The following KYAT1 variants were observed in gnomAD, a reference collection of about 807,000 sequenced individuals.
KYAT1 encodes the protein kynurenine aminotransferase 1.
In KYAT1, 47 loss-of-function variants were observed where a neutral mutation model predicts 52.4. The observed-to-expected ratio is 0.90, with a 90% CI of 0.71 to 1.14. KYAT1 has a LOEUF of 1.14. Ranked by LOEUF, KYAT1 falls within the 50% of genes most tolerant of loss-of-function variation. KYAT1 has a pLI of 0.00. For synonymous variants in KYAT1, 212 were observed against 209.6 expected, an observed-to-expected ratio of 1.01 and a Z score of -0.10; for missense variants, 480 against 557.9, an observed-to-expected ratio of 0.86 and a Z score of 1.41.
chr9:128,858,623 G>T (rs1266998647), intron 1 of KYAT1, among the ~76,000 whole-genome samples: 3 of 149,956 alleles, frequency 2.0e-5, no homozygotes, highest in Non-Finnish European at 4.4e-5. Context: ...ACTTGAATCC[G>T]AGAGTCGGAG....
intron 1 of KYAT1, among the ~76,000 whole-genome samples, chr9:128,871,211 G>A (rs1282327852): frequency 2.6e-5 from 4 of 151,802 alleles, no homozygotes; most frequent in African/African-American, 7.3e-5. Flanking sequence ...CCAGCTACTC[G>A]GGAAGCTGAA....
Position 128,863,244 on chromosome 9 carries a change from T to A in KYAT1, c.-6-17833A>T, listed in dbSNP as rs532180461. Among the ~76,000 whole-genome samples, 6 of 152,066 alleles carry A rather than the reference T, an allele frequency of 3.9e-5. 1 individual carries two copies. Among genetic ancestry groups the A allele is most frequent in the African/African-American group, 1.4e-4 (6 of 41,500 alleles). On this transcript the variant is annotated intron_variant, in intron 1 of 12. Coordinates refer to ENST00000302586, the MANE Select transcript of KYAT1 (RefSeq NM_004059.5). Reference sequence around the variant, plus strand: ...GCAGTGCTGAGAGACGGGGGAAGGATTAGAACACAGGCTTTGATGACCTTG... The same window carrying A: ...GCAGTGCTGAGAGACGGGGGAAGGAATAGAACACAGGCTTTGATGACCTTG...
intron 1 of KYAT1, among the ~76,000 whole-genome samples, chr9:128,878,372 C>G (rs1241204309): frequency 6.6e-6 from 1 of 152,010 alleles, no homozygotes; most frequent in Admixed American, 6.6e-5. Context: ...TGAGCTCAAG[C>G]GATAGTCCCA....
intron 1 of KYAT1, among the ~76,000 whole-genome samples, chr9:128,872,758 A>G (rs780646132): frequency 8.0e-5 from 12 of 149,538 alleles, no homozygotes; most frequent in African/African-American, 1.5e-4. Flanking sequence ...ACAGAGCGAG[A>G]CTCCGTCTCA....
At chr9:128,861,474 A>G (rs941081153) in intron 1 of KYAT1, among the ~76,000 whole-genome samples, 1 of 152,176 alleles carries the variant, frequency 6.6e-6, no homozygotes, top group Non-Finnish European at 1.5e-5. Context: ...AGGAACTGTG[A>G]GTCAATTAAA....
intron 1 of KYAT1, among the ~76,000 whole-genome samples, chr9:128,850,576 G>A (rs1833823465): frequency 6.6e-6 from 1 of 152,180 alleles, no homozygotes. Context: ...GGAAAGCCGC[G>A]TATTGTCCGA....
intron 1 of KYAT1, chr9:128,847,744 T>A: frequency 2.0e-6 from 1 of 504,378 alleles, no homozygotes; most frequent in East Asian, 3.2e-5. Context: ...TCCGACTCCG[T>A]CCTTATAAGA....
At chr9:128,849,629 G>GTCTC (rs369747953) in intron 1 of KYAT1, among the ~76,000 whole-genome samples, 148,468 of 150,978 alleles carry the variant, frequency 0.98, 73,041 homozygotes, top group Middle Eastern at 1. Context: ...CCAAGATGGT[G>GTCTC]TACTAAAAAT....
Position 128,833,765 on chromosome 9 carries a change from T to C in KYAT1, c.1184A>G (p.His395Arg), listed in dbSNP as rs1248374342. The C allele has an allele frequency of 1.9e-6, 3 of 1,614,176 alleles. No individual in the cohort carries two copies. Among genetic ancestry groups the C allele is most frequent in the Admixed American group, 1.7e-5 (1 of 60,018 alleles). Residue 395 changes from histidine (H) to arginine (R), a missense_variant, in exon 12 of 13, where the codon CAC (histidine) becomes CGC (arginine). Coordinates refer to ENST00000302586, the MANE Select transcript of KYAT1 (RefSeq NM_004059.5). ...CTTCACAAAACAGAAGCGGATATAG[T>C]GGTCAAAGTGCTTCTGATGTGGCAC... ...YSVPHQKHFD[H>R]YIRFCFVKDE...
chr9:128,868,703 ATTT>A (rs1202846765), intron 1 of KYAT1, among the ~76,000 whole-genome samples: 6,007 of 131,836 alleles, frequency 0.046, 140 homozygotes, highest in Middle Eastern at 0.073. Flanking sequence ...TGCCTGGCTA[ATTT>A]TTTTTTTTTT....
intron 1 of KYAT1, among the ~76,000 whole-genome samples, chr9:128,865,308 CATATATATAT>C (rs869044608): frequency 1.1e-3 from 41 of 36,926 alleles, no homozygotes; most frequent in Non-Finnish European, 1.3e-3. Context: ...GCAGAGCCTA[CATATATATAT>C]ATATATATAT....
intron 1 of KYAT1, among the ~76,000 whole-genome samples, chr9:128,868,385 T>G (rs781020233): frequency 6.6e-6 from 1 of 151,874 alleles, no homozygotes; most frequent in East Asian, 1.9e-4. Context: ...CACTGATTTT[T>G]TTTTCCTTTT....
At chr9:128,844,701 G>T (rs1163788168) in intron 2 of KYAT1, among the ~76,000 whole-genome samples, 1 of 138,282 alleles carries the variant, frequency 7.2e-6, no homozygotes, top group African/African-American at 2.7e-5. Flanking sequence ...CGGGGGAAAA[G>T]AAAAAGAAAA....
chr9:128,846,629 A>T, intron 1 of KYAT1: 1 of 1,053,960 alleles, frequency 9.5e-7, no homozygotes, highest in Non-Finnish European at 1.3e-6. Flanking sequence ...AAAAAAAGAA[A>T]GAAAGAAATT....
At chr9:128,844,347 C>T (rs1832728771) in intron 2 of KYAT1, among the ~76,000 whole-genome samples, 1 of 152,116 alleles carries the variant, frequency 6.6e-6, no homozygotes, top group South Asian at 2.1e-4. Flanking sequence ...AGTTTGAGAC[C>T]AGCCTGGACA....
chr9:128,865,324 TATATATATATATATATA>T (rs1836082499), intron 1 of KYAT1, among the ~76,000 whole-genome samples: 2 of 16,454 alleles, frequency 1.2e-4, no homozygotes, highest in African/African-American at 7.5e-4. Flanking sequence ...TATATATATA[TATATATATATATATATA>T]TATATATATA....
chr9:128,875,823 C>G (rs947817641), intron 1 of KYAT1, among the ~76,000 whole-genome samples: 1 of 152,196 alleles, frequency 6.6e-6, no homozygotes, highest in East Asian at 1.9e-4. Context: ...CCTGTGCCCC[C>G]CTCCAACACA....
intron 1 of KYAT1, among the ~76,000 whole-genome samples, chr9:128,874,366 C>A (rs1247960810): frequency 6.6e-6 from 1 of 151,682 alleles, no homozygotes; most frequent in Non-Finnish European, 1.5e-5. Context: ...GGCTGGAGTG[C>A]AGTGGTGTGA....
chr9:128,840,345 G>A (rs1286874934), intron 3 of KYAT1, among the ~76,000 whole-genome samples: 6 of 152,096 alleles, frequency 3.9e-5, no homozygotes, highest in African/African-American at 9.7e-5. Flanking sequence ...TGCAACCTCC[G>A]CCTCCCGGGT....
Sources: allele counts gnomAD v4.1 joint callset (sites outside exome capture counted in the v4.1 genomes callset), GRCh38; gene constraint gnomAD v4.1.1; transcripts MANE v1.5; gene names NCBI Gene and HGNC (gene_info 2026-07-23, HGNC 2026-07-21).